MAPKBP1: variants seen among roughly 807,000 people sequenced by gnomAD.
The protein encoded by MAPKBP1 is mitogen-activated protein kinase-binding protein 1.
In MAPKBP1, 71 loss-of-function variants were observed where a neutral mutation model predicts 170.5. That is an observed-to-expected ratio of 0.42 (90% CI 0.34 to 0.51). The LOEUF (loss-of-function observed/expected upper bound fraction) is 0.51, where lower values mean the gene tolerates loss of function less well. Ranked by LOEUF, MAPKBP1 falls within the 20% of genes least tolerant of loss-of-function variation. MAPKBP1 has a pLI of 0.06. For synonymous variants in MAPKBP1, 719 were observed against 757.9 expected (o/e 0.95, Z 0.84); for missense variants, 1,598 against 1,933.0 (o/e 0.83, Z 3.25).
At chr15:41,785,780 C>T (rs1452847141) in intron 2 of MAPKBP1, among the ~76,000 whole-genome samples, 5 of 152,148 alleles carry the variant, frequency 3.3e-5, no homozygotes, top group African/African-American at 1.2e-4. Context: ...CATACCCTTA[C>T]ACTACTGGTG....
In MAPKBP1 at chr15:41,823,499, G is replaced by A. The variant is rs1393768885; in HGVS notation, c.3651G>A (p.Arg1217=). 1 of 1,614,110 alleles carries A rather than the reference G, an allele frequency of 6.2e-7. No homozygotes were observed. Among genetic ancestry groups the A allele is most frequent in the African/African-American group, 1.3e-5 (1 of 75,034 alleles). Residue 1217 remains arginine, a synonymous_variant, in exon 29 of 31, where the codon CGG becomes CGA. Coordinates refer to ENST00000457542, the MANE Select transcript of MAPKBP1 (RefSeq NM_014994.3). ...QAPSPGALLS[R]EIEAQDGLGS... ...CTTCACCAGGCGCACTGCTGTCTCGGGAGATCGAAGCTCAGGATGGTCTGG... is the reference window on the plus strand; with the variant it reads ...CTTCACCAGGCGCACTGCTGTCTCGAGAGATCGAAGCTCAGGATGGTCTGG...
At chr15:41,777,059 C>T (rs2152065644) in intron 2 of MAPKBP1, among the ~76,000 whole-genome samples, 1 of 152,254 alleles carries the variant, frequency 6.6e-6, no homozygotes, top group South Asian at 2.1e-4. Flanking sequence ...AAAGGCTTCA[C>T]AGGCCAGGCA....
intron 2 of MAPKBP1, among the ~76,000 whole-genome samples, chr15:41,781,562 G>A (rs943145628): frequency 2.6e-5 from 4 of 151,940 alleles, no homozygotes; most frequent in African/African-American, 7.3e-5. Flanking sequence ...ATGATTGCTC[G>A]AGCCCAGGAG....
At chr15:41,808,717 C>T (rs1261236392) in intron 3 of MAPKBP1, among the ~76,000 whole-genome samples, 1 of 151,708 alleles carries the variant, frequency 6.6e-6, no homozygotes, top group East Asian at 2.0e-4. Flanking sequence ...CTCAGGTGAT[C>T]TGCCTGTCTC....
intron 2 of MAPKBP1, among the ~76,000 whole-genome samples, chr15:41,781,525 C>A (rs953027390): frequency 2.0e-5 from 3 of 151,706 alleles, no homozygotes; most frequent in African/African-American, 7.3e-5. Context: ...CACCTATAGC[C>A]CCAGCATCTT....
chr15:41,807,301 T>A (rs2064715243), intron 3 of MAPKBP1, among the ~76,000 whole-genome samples: 1 of 152,188 alleles, frequency 6.6e-6, no homozygotes, highest in South Asian at 2.1e-4. Flanking sequence ...GGATATTGTG[T>A]CCCAGGAAGA....
intron 3 of MAPKBP1, among the ~76,000 whole-genome samples, chr15:41,803,700 G>C (rs1171441056): frequency 2.6e-5 from 4 of 152,066 alleles, no homozygotes; most frequent in Admixed American, 2.6e-4. Context: ...GGGTGACACA[G>C]TGAAACCCTG....
rs1043770847 is a variant in MAPKBP1 at position 41,825,477 on chromosome 15, T to C, written c.*41T>C. ...CCCAAGTGAATGAATGCTCCAGCGA[T>C]TCCAAACTGCAGCCCCTCTGCCCCT... On this transcript the variant is annotated 3_prime_UTR_variant, in exon 31 of 31. Transcript: ENST00000457542. The C allele has an allele frequency of 1.3e-6, 2 of 1,514,260 alleles. No homozygotes were observed. The highest frequency in any genetic ancestry group is 8.9e-7 in the Non-Finnish European group (1 of 1,117,600). The allele number at this position is 1,514,260 out of a possible 1,614,324, so 93.8% of individuals were successfully genotyped here. A position where few individuals can be genotyped will look rare whatever the true frequency, so the allele number is the denominator to read the frequency against.
Position 41,823,752 on chromosome 15 carries a change from C to T in MAPKBP1, c.3904C>T (p.Pro1302Ser), listed in dbSNP as rs1285972940. Residue 1302 changes from proline (P) to serine (S), a missense_variant, in exon 29 of 31, where the codon CCT (proline) becomes TCT (serine). This residue lies in a region of MAPKBP1 where 942 missense variants were observed against 953.2 expected (regional missense o/e 0.99). Coordinates refer to ENST00000457542, the MANE Select transcript of MAPKBP1 (RefSeq NM_014994.3). ...LDIPKPLPDRPTLAAFSPVTK... is the reference protein window; with the variant it reads ...LDIPKPLPDRSTLAAFSPVTK... Reference sequence around the variant, plus strand: ...CATCCCCAAACCACTGCCTGACCGTCCTACCCTGGCTGCATTCTCTCCTGT... The same window carrying T: ...CATCCCCAAACCACTGCCTGACCGTTCTACCCTGGCTGCATTCTCTCCTGT... 2 of 1,614,202 alleles carry T rather than the reference C, an allele frequency of 1.2e-6. No individual in the cohort carries two copies. The highest frequency in any genetic ancestry group is 1.1e-5 in the South Asian group (1 of 91,074).
In MAPKBP1 at chr15:41,775,177, G is replaced by A. The variant is rs1361304126; in HGVS notation, c.-99G>A. On this transcript the variant is annotated 5_prime_UTR_variant, in exon 2 of 31. Transcript: ENST00000457542. ...CTTCTGCCATCTCAGGTCAGTGAGAGGGCATACTGGGAAGCCCTCTGGAGT... is the reference window on the plus strand; with the variant it reads ...CTTCTGCCATCTCAGGTCAGTGAGAAGGCATACTGGGAAGCCCTCTGGAGT... 2.3e-6 allele frequency: 2 copies of A among 855,698 alleles called. No homozygotes were observed. The highest frequency in any genetic ancestry group is 3.3e-5 in the African/African-American group (2 of 60,214). The allele number at this position is 855,698 out of a possible 1,614,324, so 53.0% of individuals were successfully genotyped here. A position where few individuals can be genotyped will look rare whatever the true frequency, so the allele number is the denominator to read the frequency against.
At chr15:41,808,756 A>G (rs1188784086) in intron 3 of MAPKBP1, among the ~76,000 whole-genome samples, 2 of 152,128 alleles carry the variant, frequency 1.3e-5, no homozygotes, top group Admixed American at 6.5e-5. Context: ...GATTATAGGC[A>G]TAAGCCACTG....
rs1282484978 is a variant in MAPKBP1, at chr15:41,823,044, A to G, written c.3420A>G (p.Gly1140=). Residue 1140 remains glycine, a synonymous_variant, in exon 28 of 31, where the codon GGA becomes GGG. Coordinates refer to ENST00000457542, the MANE Select transcript of MAPKBP1 (RefSeq NM_014994.3). ...GAGGCAATGGTGCCAATCCCCCTGG[A>G]GCACCCCCGGAGGTGGAACCGTCCT... ...QPRGNGANPP[G]APPEVEPSSG... 3.1e-6 allele frequency: 5 copies of G among 1,613,770 alleles called. No homozygotes were observed. The African/African-American group carries it at 4.0e-5, about 13-fold the overall frequency.
rs573323650 is a variant in MAPKBP1 at position 41,821,375 on chromosome 15, G to A, written c.2719-209G>A. On this transcript the variant is annotated intron_variant, in intron 23 of 30. Transcript: ENST00000457542. Reference sequence around the variant, plus strand: ...CCAGAGTGCTAATATAGTTCATCCAGAAGCTCACATCAGCAACTGGAGCCC... The same window carrying A: ...CCAGAGTGCTAATATAGTTCATCCAAAAGCTCACATCAGCAACTGGAGCCC... 1.4e-4 allele frequency: 85 copies of A among 612,072 alleles called. No homozygotes were observed. The African/African-American group carries it at 1.4e-3, about 10-fold the overall frequency. 37.9% of individuals were successfully genotyped at this position (612,072 alleles called of 1,614,324 possible). A position where few individuals can be genotyped will look rare whatever the true frequency, so the allele number is the denominator to read the frequency against.
intron 10 of MAPKBP1, 60 bp from the exon 11 acceptor site, chr15:41,815,199 T>C: frequency 2.5e-6 from 4 of 1,601,260 alleles, no homozygotes; most frequent in Non-Finnish European, 3.4e-6. Context: ...TCCATCTCCT[T>C]GGGTAGGCAG....
chr15:41,780,592 A>T (rs74903202), intron 2 of MAPKBP1, among the ~76,000 whole-genome samples: 32 of 152,340 alleles, frequency 2.1e-4, no homozygotes, highest in African/African-American at 7.5e-4. Flanking sequence ...CCACTGCTCC[A>T]GGCTAAGCGT....
chr15:41,822,472 T>G lies in MAPKBP1; in HGVS notation c.3229+50T>G, dbSNP rs376939901. The G allele has an allele frequency of 2.5e-6, 4 of 1,605,474 alleles. No homozygotes were observed. The African/African-American group carries it at 4.0e-5, about 16-fold the overall frequency. Reference sequence around the variant, plus strand: ...GTGCCTGCAATTTGCCCTTCTCCCCTCCTTGCCTACCTGAGAGGAGGGTCC... The same window carrying G: ...GTGCCTGCAATTTGCCCTTCTCCCCGCCTTGCCTACCTGAGAGGAGGGTCC... On this transcript the variant is annotated intron_variant, in intron 26 of 30. Transcript: ENST00000457542.
chr15:41,813,305 TC>T (rs2064835630), intron 8 of MAPKBP1: 1 of 1,529,134 alleles, frequency 6.5e-7, no homozygotes, highest in Non-Finnish European at 9.1e-7. Context: ...TCTGTCTCTT[TC>T]CCCTGCTTTC....
chr15:41,802,829 A>T (rs933237354), intron 3 of MAPKBP1, among the ~76,000 whole-genome samples: 2 of 152,210 alleles, frequency 1.3e-5, no homozygotes, highest in African/African-American at 4.8e-5. Flanking sequence ...TTAACTTTTT[A>T]AACTTTTTTG....
chr15:41,792,626 C>T lies in MAPKBP1; in HGVS notation c.115-7197C>T, dbSNP rs141765709. On this transcript the variant is annotated intron_variant, in intron 2 of 30. Transcript: ENST00000457542. ...TTCCTAGAGCTGTAGATGGATGGGT[C>T]AGGGTGCCAGCTGCCTGCAGCAGTT... is the stretch of plus-strand genomic sequence containing the variant. Among the ~76,000 whole-genome samples the T allele has an allele frequency of 2.0e-4, 30 of 152,268 alleles. 1 individual carries two copies. The East Asian group carries it at 5.8e-3, about 29-fold the overall frequency.
Sources: allele counts gnomAD v4.1 joint callset (sites outside exome capture counted in the v4.1 genomes callset), GRCh38; gene constraint gnomAD v4.1.1; regional missense constraint gnomAD v4.1.1; transcripts MANE v1.5; gene names NCBI Gene and HGNC (gene_info 2026-07-23, HGNC 2026-07-21).